Variants in CADPS2 observed in about 807,000 individuals in gnomAD.
The protein encoded by CADPS2 is calcium-dependent secretion activator 2.
CADPS2 carries 93 observed loss-of-function variants against 172.5 expected under a neutral mutation model. The ratio of observed to expected loss-of-function variants is 0.54; its 90% confidence interval spans 0.46 to 0.64. CADPS2 has a LOEUF of 0.64. CADPS2 is among the 30% of genes least tolerant of loss of function. The pLI is 0.00. For missense variants in CADPS2, 1,420 were observed against 1,565.9 expected (o/e 0.91, Z 1.57); for synonymous variants, 546 against 555.2 (o/e 0.98, Z 0.23).
intron 25 of CADPS2, among the ~76,000 whole-genome samples, chr7:122,361,854 G>A (rs1464849848): frequency 6.6e-6 from 1 of 151,950 alleles, no homozygotes; most frequent in African/African-American, 2.4e-5. Context: ...TGGGCGGATC[G>A]CCTGAGGTCA....
chr7:122,670,139 T>C (rs535184861), intron 2 of CADPS2, among the ~76,000 whole-genome samples: 2 of 152,024 alleles, frequency 1.3e-5, no homozygotes, highest in South Asian at 2.1e-4. Flanking sequence ...AGCCACCCTA[T>C]TCCCACTACC....
intron 8 of CADPS2, among the ~76,000 whole-genome samples, chr7:122,538,396 A>G (rs1011878318): frequency 3.3e-5 from 5 of 149,560 alleles, no homozygotes; most frequent in African/African-American, 1.2e-4. Flanking sequence ...GGAGAAGCTT[A>G]ATTAGTTTAA....
At chr7:122,789,871 C>T (rs1347041480) in intron 1 of CADPS2, among the ~76,000 whole-genome samples, 2 of 152,022 alleles carry the variant, frequency 1.3e-5, no homozygotes, top group Non-Finnish European at 1.5e-5. Flanking sequence ...AGGAGCAATG[C>T]TGATCAGGGA....
chr7:122,643,288 A>T (rs867581228), intron 3 of CADPS2, among the ~76,000 whole-genome samples: 1 of 152,166 alleles, frequency 6.6e-6, no homozygotes, highest in East Asian at 1.9e-4. Flanking sequence ...ATAAGTGTCA[A>T]TCCTCCACCA....
chr7:122,346,623 G>A (rs948561340), intron 27 of CADPS2, among the ~76,000 whole-genome samples: 2 of 152,118 alleles, frequency 1.3e-5, no homozygotes, highest in Non-Finnish European at 2.9e-5. Flanking sequence ...TTTTAGAAAT[G>A]TGGCAAGAGT....
intron 7 of CADPS2, 65 bp downstream of exon 7, chr7:122,581,114 T>C: frequency 8.6e-7 from 1 of 1,158,948 alleles, no homozygotes; most frequent in South Asian, 1.3e-5. Context: ...CTGATCTACC[T>C]TAATCATGAA....
chr7:122,883,001 C>T (rs185832054), intron 1 of CADPS2, among the ~76,000 whole-genome samples: 137 of 152,286 alleles, frequency 9.0e-4, no homozygotes, highest in Non-Finnish European at 1.6e-3. Flanking sequence ...GTAAAACCAT[C>T]AGTGGTCAAT....
intron 11 of CADPS2, among the ~76,000 whole-genome samples, chr7:122,488,909 A>G (rs539317904): frequency 2.6e-5 from 4 of 152,324 alleles, no homozygotes; most frequent in East Asian, 1.9e-4. Flanking sequence ...CTGCTGTGCC[A>G]TACTCTATGT....
At chr7:122,776,595 A>C (rs1337998072) in intron 1 of CADPS2, among the ~76,000 whole-genome samples, 1 of 152,082 alleles carries the variant, frequency 6.6e-6, no homozygotes, top group African/African-American at 2.4e-5. Context: ...ACAAACAAAC[A>C]AACAAAAAAC....
chr7:122,575,821 A>C (rs561169240), intron 7 of CADPS2, among the ~76,000 whole-genome samples: 4 of 152,288 alleles, frequency 2.6e-5, no homozygotes, highest in African/African-American at 4.8e-5. Flanking sequence ...GTTTATAATA[A>C]ACACTATAGA....
intron 15 of CADPS2, among the ~76,000 whole-genome samples, chr7:122,441,908 G>A (rs1022091287): frequency 6.6e-6 from 1 of 152,200 alleles, no homozygotes; most frequent in Non-Finnish European, 1.5e-5. Flanking sequence ...TTTAAGAATT[G>A]TTATTCAAGT....
At chr7:122,393,719 C>T (rs986317031) in intron 20 of CADPS2, 137 bp from the exon 21 acceptor site, 86 of 808,138 alleles carry the variant, frequency 1.1e-4, no homozygotes, top group Admixed American at 2.1e-4. Context: ...GTAGATCATA[C>T]CCCCCATATT....
chr7:122,742,536 T>C (rs954597670), intron 1 of CADPS2, among the ~76,000 whole-genome samples: 1 of 152,182 alleles, frequency 6.6e-6, no homozygotes, highest in African/African-American at 2.4e-5. Context: ...CTGATCACCA[T>C]TCTCTTAGGA....
At chr7:122,454,392 C>T (rs1255192152) in intron 14 of CADPS2, among the ~76,000 whole-genome samples, 6 of 152,082 alleles carry the variant, frequency 3.9e-5, no homozygotes, top group Admixed American at 3.9e-4. Context: ...AGGTCTCTTG[C>T]CCTCCAAAGA....
Position 122,376,982 on chromosome 7 carries a change from T to C in CADPS2, c.3387+2386A>G, listed in dbSNP as rs555233327. Among the ~76,000 whole-genome samples, 5 of 152,240 alleles carry C rather than the reference T, an allele frequency of 3.3e-5. No homozygotes were observed. In the South Asian group the frequency reaches 1.0e-3, roughly 32 times the overall value. ...AATTATTGTCATCTCTTATAGAAGC[T>C]TGAGATGTTTGGTTCAACCTATCAA... is the stretch of plus-strand genomic sequence containing the variant. On this transcript the variant is annotated intron_variant, in intron 25 of 29. Transcript: ENST00000449022.
At chr7:122,698,625 T>TGA in intron 2 of CADPS2, 1 of 1,614,088 alleles carries the variant, frequency 6.2e-7, no homozygotes, top group Non-Finnish European at 8.5e-7. Context: ...GCCAGGTCTC[T>TGA]GAGTACTTTG....
intron 25 of CADPS2, among the ~76,000 whole-genome samples, chr7:122,371,610 C>T (rs1266326116): frequency 1.3e-5 from 2 of 150,266 alleles, no homozygotes; most frequent in Non-Finnish European, 3.0e-5. Flanking sequence ...ACAGCCAAAC[C>T]ATATCAAGGG....
At chr7:122,358,386 G>C (rs1007793390) in intron 27 of CADPS2, among the ~76,000 whole-genome samples, 3 of 151,992 alleles carry the variant, frequency 2.0e-5, no homozygotes, top group Non-Finnish European at 1.5e-5. Context: ...TCAGATATGT[G>C]TTTTGTAAAT....
chr7:122,319,946 CAAAA>C lies in CADPS2; in HGVS notation c.*215_*218del, dbSNP rs869030691. 5.4e-5 allele frequency: 22 copies of C among 410,890 alleles called. No homozygotes were observed. The highest frequency in any genetic ancestry group is 4.4e-4 in the Admixed American group (9 of 20,592). 25.5% of individuals were successfully genotyped at this position (410,890 alleles called of 1,614,324 possible). ...CTACACAAAAGAGGATGCTCTTCTC[CAAAA>C]AAACAAACAAACAAACAAACAAAAA... On this transcript the variant is annotated 3_prime_UTR_variant, in exon 30 of 30. Coordinates refer to ENST00000449022, the MANE Select transcript of CADPS2 (RefSeq NM_017954.11).
Sources: gnomAD v4.1 joint callset for allele counts (sites outside exome capture counted in the v4.1 genomes callset) on GRCh38, gnomAD v4.1.1 for gene constraint, MANE v1.5 for transcripts, NCBI Gene and HGNC (gene_info 2026-07-23, HGNC 2026-07-21) for gene names.